The following TMEM260 variants were observed in gnomAD, a reference collection of about 807,000 sequenced individuals.
TMEM260 encodes transmembrane protein 260.
TMEM260 carries 82 observed loss-of-function variants against 88.9 expected under a neutral mutation model. The observed-to-expected ratio is 0.92, with a 90% CI of 0.77 to 1.11. The LOEUF is 1.11. Among genes scored for constraint, TMEM260 ranks in the 50% least tolerant of loss-of-function variants. TMEM260 has a pLI of 0.00. For missense variants in TMEM260, 902 were observed against 853.4 expected (o/e 1.06, Z -0.71); for synonymous variants, 314 against 309.3 (o/e 1.02, Z -0.16).
chr14:56,607,772 T>C (rs1279086282), intron 5 of TMEM260, among the ~76,000 whole-genome samples: 3 of 152,162 alleles, frequency 2.0e-5, no homozygotes, highest in Admixed American at 2.0e-4. Flanking sequence ...AATTCTGATA[T>C]AAGTGATCTG....
At position 56,603,805 on chromosome 14, in the gene TMEM260, G is replaced by C; in HGVS notation, c.345-10G>C. The C allele has an allele frequency of 6.2e-7, 1 of 1,613,668 alleles. No individual in the cohort carries two copies. Among genetic ancestry groups the C allele is most frequent in the Non-Finnish European group, 8.5e-7 (1 of 1,179,652 alleles). ...TGGAAAAGAAGATTTCATGTTATCT[G>C]TGTTTGCAGGCTTTCTGGCTCATCT... On this transcript the variant is annotated splice_polypyrimidine_tract_variant and intron_variant, in intron 3 of 15. Transcript: ENST00000261556.
chr14:56,623,308 C>T (rs192395871), intron 11 of TMEM260, among the ~76,000 whole-genome samples: 162 of 152,244 alleles, frequency 1.1e-3, no homozygotes, highest in African/African-American at 3.8e-3. Context: ...CTGCCATTCT[C>T]TTGACTTTTC....
chr14:56,580,805 G>T (rs1885077975), intron 1 of TMEM260, among the ~76,000 whole-genome samples: 1 of 152,164 alleles, frequency 6.6e-6, no homozygotes, highest in Non-Finnish European at 1.5e-5. Context: ...TTTGTTTTTG[G>T]ATTCAATAAT....
At position 56,649,348 on chromosome 14, in the gene TMEM260, G is replaced by A. The variant is rs1890142927; in HGVS notation, c.*1851G>A. On this transcript the variant is annotated 3_prime_UTR_variant, in exon 16 of 16. Coordinates refer to ENST00000261556, the MANE Select transcript of TMEM260 (RefSeq NM_017799.4). ...CTCCACAGGGAAGGACCAAAAACCT[G>A]GTTTACCTTAAAACAAAAACCTGTT... 1 of 152,412 alleles carries A rather than the reference G, an allele frequency of 6.6e-6. No homozygotes were observed. The highest frequency in any genetic ancestry group is 2.4e-5 in the African/African-American group (1 of 41,380). 9.4% of individuals were successfully genotyped at this position (152,412 alleles called of 1,614,324 possible).
intron 3 of TMEM260, among the ~76,000 whole-genome samples, chr14:56,602,712 A>G (rs1346707527): frequency 1.4e-5 from 2 of 147,048 alleles, no homozygotes; most frequent in East Asian, 2.0e-4. Context: ...GCTGAAAGAA[A>G]TGGGAAACTG....
rs1888117287 is a variant in TMEM260 at position 56,624,454 on chromosome 14, A to G, written c.1399-928A>G. 2.6e-5 allele frequency among the ~76,000 whole-genome samples: 4 copies of G among 152,202 alleles called. No individual in the cohort carries two copies. In the South Asian group the frequency reaches 8.3e-4, roughly 32 times the overall value. On this transcript the variant is annotated intron_variant, in intron 11 of 15. Coordinates refer to ENST00000261556, the MANE Select transcript of TMEM260 (RefSeq NM_017799.4). ...TCTGGTGTAGTGTCATGTGCCTGCA[A>G]TCTCAGCTACTTGGGAGGCTTAGGT...
At chr14:56,646,476 ATT>A (rs1889974425) in intron 15 of TMEM260, among the ~76,000 whole-genome samples, 1 of 151,702 alleles carries the variant, frequency 6.6e-6, no homozygotes. Context: ...CATTTTGCAG[ATT>A]TGTGTCTGCG....
rs777628937 is a variant in TMEM260 at position 56,633,031 on chromosome 14, C to T, written c.1584C>T (p.Gly528=). ...TTGTTTGCATAGGAATTCATGAAGG[C>T]GACCCAACCTGGAAAAAGAACTATT... ...ETFVCIGIHE[G]DPTWKKNYSL... The change falls in exon 13 of 16, where the codon GGC becomes GGT. Residue 528 remains glycine (G), a synonymous_variant. Transcript: ENST00000261556. The T allele has an allele frequency of 2.9e-5, 46 of 1,613,714 alleles. No homozygotes were observed. The highest frequency in any genetic ancestry group is 1.6e-4 in the Middle Eastern group (1 of 6,082).
chr14:56,645,544 A>G (rs975674599), intron 15 of TMEM260, among the ~76,000 whole-genome samples: 4 of 152,264 alleles, frequency 2.6e-5, no homozygotes, highest in East Asian at 1.9e-4. Flanking sequence ...CCTAATGCTA[A>G]ATGACGAGGT....
At position 56,642,125 on chromosome 14, in the gene TMEM260, C is replaced by A. The variant is rs148431665; in HGVS notation, c.1870-5118C>A. The stretch of plus-strand genomic sequence containing the variant: ...GAGACAGAAAGTTAACAAAGATATC[C>A]AGGAATTGAACTCAGCTCTGCACGA... On this transcript the variant is annotated intron_variant, in intron 15 of 15. Transcript: ENST00000261556. Among the ~76,000 whole-genome samples, 557 of 152,234 alleles carry A rather than the reference C, an allele frequency of 3.7e-3. 7 individuals carry two copies. The highest frequency in any genetic ancestry group is 0.013 in the African/African-American group (533 of 41,526).
chr14:56,633,351 C>T lies in TMEM260; in HGVS notation c.1724+180C>T, dbSNP rs970382093. ...AGAACATGTCCTTCTCGTTCTCCTACTTACAGAACAATGGGGAGAGAGGAG... is the reference window on the plus strand; with the variant it reads ...AGAACATGTCCTTCTCGTTCTCCTATTTACAGAACAATGGGGAGAGAGGAG... On this transcript the variant is annotated intron_variant, in intron 13 of 15. Transcript: ENST00000261556. The T allele has an allele frequency of 5.9e-6, 3 of 506,672 alleles. No individual in the cohort carries two copies. The Admixed American group carries it at 1.1e-4, about 18-fold the overall frequency. 31.4% of individuals were successfully genotyped at this position (506,672 alleles called of 1,614,324 possible).
At chr14:56,593,115 A>G (rs1885966296) in intron 3 of TMEM260, 1 of 152,256 alleles carries the variant, frequency 6.6e-6, no homozygotes, top group Admixed American at 6.5e-5. Flanking sequence ...GTGTCAACAG[A>G]TGAATAGTAT....
Position 56,636,564 on chromosome 14 carries a change from A to AAGTGAAAGCTCAACTCT in TMEM260, c.1837_1853dup (p.Tyr618Ter). On this transcript the variant is annotated frameshift_variant, in exon 15 of 16. Coordinates refer to ENST00000261556, the MANE Select transcript of TMEM260 (RefSeq NM_017799.4). LOFTEE classifies it high-confidence loss of function. ...GCAGAAACTGCTCACATGCCTTCAAAAGTGAAAGCTCAACTCTACGCTCAA... is the reference window on the plus strand; with the variant it reads ...GCAGAAACTGCTCACATGCCTTCAAAAGTGAAAGCTCAACTCTAGTGAAAGCTCAACTCTACGCTCAA... The AAGTGAAAGCTCAACTCT allele has an allele frequency of 6.2e-7, 1 of 1,614,080 alleles. No homozygotes were observed. The highest frequency in any genetic ancestry group is 8.5e-7 in the Non-Finnish European group (1 of 1,180,004).
the TMEM260 span, among the ~76,000 whole-genome samples, chr14:56,661,792 G>A: frequency 5.9e-5 from 9 of 152,008 alleles, no homozygotes; most frequent in African/African-American, 2.2e-4. Context: ...TGAAACTTGA[G>A]TTTGTTGTTT....
In TMEM260 at chr14:56,616,516, T is replaced by G. The variant is rs563554326; in HGVS notation, c.941+489T>G. Reference sequence around the variant, plus strand: ...ACTTGACACAAACATTGTGAACATTTTCTCATACTATAAAAATACTTAAAA... The same window carrying G: ...ACTTGACACAAACATTGTGAACATTGTCTCATACTATAAAAATACTTAAAA... On this transcript the variant is annotated intron_variant, in intron 8 of 15. Coordinates refer to ENST00000261556, the MANE Select transcript of TMEM260 (RefSeq NM_017799.4). Among the ~76,000 whole-genome samples, 6 of 152,180 alleles carry G rather than the reference T, an allele frequency of 3.9e-5. No homozygotes were observed. The South Asian group carries it at 1.0e-3, about 26-fold the overall frequency.
downstream of TMEM260, among the ~76,000 whole-genome samples, chr14:56,654,681 G>A (rs1025272922): frequency 6.6e-6 from 1 of 151,870 alleles, no homozygotes; most frequent in African/African-American, 2.4e-5. Context: ...AGGTGTTGTG[G>A]CACAAATCTG....
In TMEM260 at chr14:56,603,764, A is replaced by G. The variant is rs374123083; in HGVS notation, c.345-51A>G. Reference sequence around the variant, plus strand: ...GTACAGTTTACCAAAAGGAAAATAAAGTTAGTTCTTTTTGTTGGAAAAGAA... The same window carrying G: ...GTACAGTTTACCAAAAGGAAAATAAGGTTAGTTCTTTTTGTTGGAAAAGAA... On this transcript the variant is annotated intron_variant, in intron 3 of 15. Transcript: ENST00000261556. 35 of 1,605,300 alleles carry G rather than the reference A, an allele frequency of 2.2e-5. No individual in the cohort carries two copies. The African/African-American group carries it at 3.7e-4, about 17-fold the overall frequency.
intron 15 of TMEM260, among the ~76,000 whole-genome samples, chr14:56,645,519 G>A (rs1332951161): frequency 6.6e-5 from 10 of 152,104 alleles, no homozygotes; most frequent in African/African-American, 2.2e-4. Context: ...GGGAGGGATA[G>A]CATTAGGAGA....
At chr14:56,644,572 C>T (rs1298833055) in intron 15 of TMEM260, among the ~76,000 whole-genome samples, 1 of 152,134 alleles carries the variant, frequency 6.6e-6, no homozygotes, top group Non-Finnish European at 1.5e-5. Flanking sequence ...TAGGCAGTAC[C>T]ATTCAGGACA....
Sources: allele counts gnomAD v4.1 joint callset (sites outside exome capture counted in the v4.1 genomes callset), GRCh38; gene constraint gnomAD v4.1.1; transcripts MANE v1.5; gene names NCBI Gene and HGNC (gene_info 2026-07-23, HGNC 2026-07-21).